Variants in NUP210 observed in about 807,000 individuals in gnomAD.
NUP210 encodes nucleoporin 210, also known as nuclear pore membrane glycoprotein 210.
A neutral mutation model predicts 196.0 loss-of-function variants in NUP210; 151 were observed. The ratio of observed to expected loss-of-function variants is 0.77; its 90% CI spans 0.67 to 0.88. NUP210 has a LOEUF of 0.88. NUP210 is among the 40% of genes least tolerant of loss of function. The pLI, the probability that NUP210 is intolerant of heterozygous loss-of-function variation, is 0.00. For synonymous variants in NUP210, 1,070 were observed against 1,052.7 expected (o/e 1.02, Z -0.32); for missense variants, 2,314 against 2,493.7 (o/e 0.93, Z 1.53).
At chr3:13,372,285 G>A (rs1362389914) in intron 12 of NUP210, among the ~76,000 whole-genome samples, 1 of 152,224 alleles carries the variant, frequency 6.6e-6, no homozygotes, top group African/African-American at 2.4e-5. Context: ...CTGGGTGAAG[G>A]GATGGTGCGT....
At chr3:13,359,699 G>A (rs1320083829) in intron 15 of NUP210, among the ~76,000 whole-genome samples, 2 of 152,194 alleles carry the variant, frequency 1.3e-5, no homozygotes, top group African/African-American at 2.4e-5. Flanking sequence ...ACCCTCCCCG[G>A]GGAAGGAGTG....
rs1438512971 is a variant in NUP210 at position 13,380,512 on chromosome 3, C to A, written c.818-791G>T. 2.6e-5 allele frequency among the ~76,000 whole-genome samples: 4 copies of A among 152,322 alleles called. No homozygotes were observed. In the East Asian group the frequency reaches 7.7e-4, roughly 29 times the overall value. On this transcript the variant is annotated intron_variant, in intron 6 of 39. Coordinates refer to ENST00000254508, the MANE Select transcript of NUP210 (RefSeq NM_024923.4). ...GATGAGCAGCCTGCTCACCATTGCGCAGCTAGTGGAAAACAGAGCTGGCGT... is the reference window on the plus strand; with the variant it reads ...GATGAGCAGCCTGCTCACCATTGCGAAGCTAGTGGAAAACAGAGCTGGCGT...
chr3:13,366,034 T>C lies in NUP210; in HGVS notation c.1844A>G (p.Gln615Arg), dbSNP rs763558997. The change falls in exon 14 of 40, where the codon CAG becomes CGG. Residue 615 changes from glutamine to arginine, a missense_variant. Physicochemically the swap from Gln to Arg is conservative, Grantham distance 43. Coordinates refer to ENST00000254508, the MANE Select transcript of NUP210 (RefSeq NM_024923.4). Reference protein sequence around the residue: ...CSGIRVKAEAQGSTTLLVSYR... With the variant: ...CSGIRVKAEARGSTTLLVSYR... ...GCTCACAAGAAGCGTGGTAGAGCCC[T>C]GGGCCTCGGCCTTTACCCGGATGCC... 2 of 1,614,174 alleles carry C rather than the reference T, an allele frequency of 1.2e-6. No individual in the cohort carries two copies. The highest frequency in any genetic ancestry group is 1.7e-6 in the Non-Finnish European group (2 of 1,179,996).
intron 4 of NUP210, among the ~76,000 whole-genome samples, chr3:13,389,764 C>A (rs954599428): frequency 6.6e-6 from 1 of 152,170 alleles, no homozygotes; most frequent in Non-Finnish European, 1.5e-5. Flanking sequence ...AATGAAAGAC[C>A]AGACAGTAAA....
intron 1 of NUP210, among the ~76,000 whole-genome samples, chr3:13,411,279 C>A (rs1339170396): frequency 6.6e-6 from 1 of 152,134 alleles, no homozygotes; most frequent in Non-Finnish European, 1.5e-5. Flanking sequence ...CTGAAGGAAA[C>A]TGGGTAAACC....
chr3:13,376,435 G>A lies in NUP210; in HGVS notation c.1153-4C>T, dbSNP rs770016946. The A allele has an allele frequency of 1.2e-6, 2 of 1,614,198 alleles. No homozygotes were observed. Among genetic ancestry groups the A allele is most frequent in the Admixed American group, 3.3e-5 (2 of 60,026 alleles). On this transcript the variant is annotated splice_polypyrimidine_tract_variant and splice_region_variant and intron_variant, in intron 9 of 39. Transcript: ENST00000254508. ...GCACAGTTTCAATTCGGATGTTCTG[G>A]AAGGTGAGGCAGGACAGGAGAGAGG... is the stretch of plus-strand genomic sequence containing the variant.
chr3:13,353,472 T>C, intron 18 of NUP210, 82 bp downstream of exon 18: 1 of 1,165,902 alleles, frequency 8.6e-7, no homozygotes. Flanking sequence ...CAGGACACTG[T>C]GATACCCGGT....
At chr3:13,360,171 T>C (rs1698320416) in intron 15 of NUP210, 99 bp downstream of exon 15, 13 of 1,014,486 alleles carry the variant, frequency 1.3e-5, no homozygotes, top group Non-Finnish European at 1.8e-5. Context: ...AGTGGCTGTC[T>C]CTCAGCGTTA....
chr3:13,383,227 G>A lies in NUP210; in HGVS notation c.817+3048C>T, dbSNP rs141205413. ...GTTCACAGTGAAGTTTTGCTAGCTCGGCCCCTCTCAGTTTTGCCAAAACAT... is the reference window on the plus strand; with the variant it reads ...GTTCACAGTGAAGTTTTGCTAGCTCAGCCCCTCTCAGTTTTGCCAAAACAT... On this transcript the variant is annotated intron_variant, in intron 6 of 39. Transcript: ENST00000254508. 1.3e-4 allele frequency among the ~76,000 whole-genome samples: 20 copies of A among 152,244 alleles called. No homozygotes were observed. The East Asian group carries it at 3.7e-3, about 28-fold the overall frequency.
intron 35 of NUP210, 84 bp from the exon 36 acceptor site, chr3:13,321,919 G>GA: frequency 6.5e-7 from 1 of 1,528,842 alleles, no homozygotes; most frequent in Non-Finnish European, 8.8e-7. Flanking sequence ...TCTAACCAGG[G>GA]GATTCCTATG....
intron 1 of NUP210, among the ~76,000 whole-genome samples, chr3:13,413,153 T>TA (rs747511864): frequency 6.6e-6 from 1 of 150,668 alleles, no homozygotes; most frequent in Non-Finnish European, 1.5e-5. Context: ...TAGCCCCAGC[T>TA]ACTCAGGAGG....
chr3:13,361,091 T>G (rs1400972672), intron 14 of NUP210, among the ~76,000 whole-genome samples: 1 of 152,188 alleles, frequency 6.6e-6, no homozygotes, highest in Non-Finnish European at 1.5e-5. Context: ...ATCCACCAGG[T>G]GACCAAAGGA....
In NUP210 at chr3:13,377,902, C is replaced by A. The variant is rs1220793904; in HGVS notation, c.1046-340G>T. Among the ~76,000 whole-genome samples the A allele has an allele frequency of 8.0e-5, 12 of 150,238 alleles. 1 individual carries two copies. The highest frequency in any genetic ancestry group is 3.3e-4 in the Admixed American group (5 of 15,108). ...CACTTACCTGGAGGCCCCACACCAC[C>A]CACCTGCAGGCCCCACACCACCCAC... On this transcript the variant is annotated intron_variant, in intron 8 of 39. Transcript: ENST00000254508.
At chr3:13,411,595 C>T (rs926401450) in intron 1 of NUP210, among the ~76,000 whole-genome samples, 15 of 152,206 alleles carry the variant, frequency 9.9e-5, no homozygotes, top group African/African-American at 3.6e-4. Flanking sequence ...CTGGAAGCCC[C>T]TGCCTCTGGA....
chr3:13,327,375 C>A lies in NUP210; in HGVS notation c.4349G>T (p.Ser1450Ile). The stretch of plus-strand genomic sequence containing the variant: ...CACACGGAGCAGTGTCAGGCCCACG[C>A]TGACTGTGCGGACAACGCAGGTGTT... ...TNNTCVVRTV[S>I]VGLTLLRVWD... The change falls in exon 32 of 40, where the codon AGC becomes ATC. Residue 1450 changes from serine to isoleucine, a missense_variant. Ser to Ile is a moderately radical substitution (Grantham distance 142, BLOSUM62 -2). Transcript: ENST00000254508. 6.2e-7 allele frequency: 1 copy of A among 1,613,558 alleles called. No individual in the cohort carries two copies. The highest frequency in any genetic ancestry group is 8.5e-7 in the Non-Finnish European group (1 of 1,180,022).
intron 6 of NUP210, among the ~76,000 whole-genome samples, chr3:13,382,880 C>T (rs1434121838): frequency 6.6e-6 from 1 of 152,150 alleles, no homozygotes; most frequent in Admixed American, 6.5e-5. Context: ...CATGGCAACT[C>T]ATGCCTATTA....
chr3:13,388,066 A>G (rs1456098421), intron 5 of NUP210, among the ~76,000 whole-genome samples: 1 of 152,136 alleles, frequency 6.6e-6, no homozygotes, highest in Non-Finnish European at 1.5e-5. Flanking sequence ...AGAATGAGCA[A>G]ATGCTATGCA....
chr3:13,387,150 C>T (rs549833762), intron 5 of NUP210, among the ~76,000 whole-genome samples: 11 of 152,380 alleles, frequency 7.2e-5, no homozygotes, highest in Middle Eastern at 6.8e-3. Context: ...CTACATTTTT[C>T]TGAGTTCAGT....
rs923827571 is a variant in NUP210 at position 13,351,776 on chromosome 3, G to A, written c.2835+103C>T. On this transcript the variant is annotated intron_variant, in intron 20 of 39. Coordinates refer to ENST00000254508, the MANE Select transcript of NUP210 (RefSeq NM_024923.4). The stretch of plus-strand genomic sequence containing the variant: ...ACCTCCCAAAGTTCTGGGATTCCGA[G>A]TGTGAGTCAAGTGCTAGCTTTCAAA... 4 of 782,610 alleles carry A rather than the reference G, an allele frequency of 5.1e-6. No individual in the cohort carries two copies. In the African/African-American group the frequency reaches 6.9e-5, roughly 13 times the overall value. 48.5% of individuals were successfully genotyped at this position (782,610 alleles called of 1,614,324 possible).
Sources: gnomAD v4.1 joint callset for allele counts (sites outside exome capture counted in the v4.1 genomes callset) on GRCh38, gnomAD v4.1.1 for gene constraint, MANE v1.5 for transcripts, NCBI Gene and HGNC (gene_info 2026-07-23, HGNC 2026-07-21) for gene names.